The following LAMA2 variants were observed in gnomAD, a reference collection of about 807,000 sequenced individuals.
LAMA2 encodes the protein laminin subunit alpha-2.
Under a neutral mutation model 364.8 loss-of-function variants are expected in LAMA2, and 269 were observed. The ratio of observed to expected loss-of-function variants is 0.74; its 90% CI spans 0.67 to 0.82. The LOEUF (loss-of-function observed/expected upper bound fraction) is 0.82. Ranked by LOEUF, LAMA2 falls within the 40% of genes least tolerant of loss-of-function variation. LAMA2 has a pLI of 0.00. For missense variants in LAMA2, 3,807 were observed against 3,873.2 expected (o/e 0.98, Z 0.45); for synonymous variants, 1,379 against 1,370.6 (o/e 1.01, Z -0.14).
At chr6:129,426,938 C>G (rs1035708418) in intron 40 of LAMA2, among the ~76,000 whole-genome samples, 29 of 152,170 alleles carry the variant, frequency 1.9e-4, no homozygotes, top group African/African-American at 6.0e-4. Context: ...ACCCTTCTTG[C>G]ACTTGCAATA....
At chr6:129,048,994 G>A (rs574618905) in intron 1 of LAMA2, among the ~76,000 whole-genome samples, 1 of 151,990 alleles carries the variant, frequency 6.6e-6, no homozygotes, top group Non-Finnish European at 1.5e-5. Flanking sequence ...CTAGATGGTC[G>A]GCATATTTTC....
chr6:129,311,009 C>T (rs891082496), intron 22 of LAMA2, among the ~76,000 whole-genome samples: 12 of 152,058 alleles, frequency 7.9e-5, no homozygotes, highest in Non-Finnish European at 1.8e-4. Context: ...CAGACCAAAG[C>T]TAGTCAGAAG....
At chr6:129,255,593 A>G (rs1786605804) in intron 14 of LAMA2, among the ~76,000 whole-genome samples, 1 of 152,012 alleles carries the variant, frequency 6.6e-6, no homozygotes, top group African/African-American at 2.4e-5. Flanking sequence ...CTTCATCACG[A>G]TATAACTCAT....
intron 1 of LAMA2, among the ~76,000 whole-genome samples, chr6:129,046,471 T>C (rs1165561185): frequency 6.6e-6 from 1 of 152,176 alleles, no homozygotes; most frequent in African/African-American, 2.4e-5. Flanking sequence ...TCGCCAGATA[T>C]TATGAGACTT....
At chr6:129,150,766 T>TA (rs1404005449) in intron 7 of LAMA2, among the ~76,000 whole-genome samples, 1 of 152,150 alleles carries the variant, frequency 6.6e-6, no homozygotes, top group African/African-American at 2.4e-5. Flanking sequence ...AAGCCATACA[T>TA]AAAAATCACA....
chr6:128,982,265 C>A (rs551285200), intron 1 of LAMA2, among the ~76,000 whole-genome samples: 1 of 152,296 alleles, frequency 6.6e-6, no homozygotes, highest in South Asian at 2.1e-4. Context: ...TAGAGGCAAA[C>A]ACCAACACAG....
intron 56 of LAMA2, 38 bp downstream of exon 56, chr6:129,486,660 G>A: frequency 6.3e-7 from 1 of 1,590,574 alleles, no homozygotes; most frequent in Non-Finnish European, 8.6e-7. Flanking sequence ...TTGTAACTCA[G>A]GTGAACTTCC....
At chr6:129,167,609 C>A (rs1205354761) in intron 9 of LAMA2, among the ~76,000 whole-genome samples, 12 of 152,038 alleles carry the variant, frequency 7.9e-5, no homozygotes, top group Non-Finnish European at 2.9e-5. Flanking sequence ...GTGGATAATG[C>A]CGCAATAAAC....
chr6:129,074,991 C>T (rs1276944546), intron 3 of LAMA2, among the ~76,000 whole-genome samples: 3 of 151,916 alleles, frequency 2.0e-5, no homozygotes, highest in African/African-American at 7.3e-5. Flanking sequence ...GTGTTCTAAG[C>T]CTGTAGGTCT....
chr6:129,349,434 G>A (rs1182579029), intron 31 of LAMA2, 50 bp downstream of exon 31: 2 of 1,342,078 alleles, frequency 1.5e-6, no homozygotes, highest in Non-Finnish European at 2.1e-6. Context: ...GGGACTATAT[G>A]GTAAAGGGTC....
At chr6:129,463,973 G>C (rs534673210) in intron 49 of LAMA2, among the ~76,000 whole-genome samples, 1 of 151,706 alleles carries the variant, frequency 6.6e-6, no homozygotes, top group Non-Finnish European at 1.5e-5. Context: ...CAGAAACCCC[G>C]CCCCTTTGCC....
At chr6:129,008,736 C>T (rs192559205) in intron 1 of LAMA2, among the ~76,000 whole-genome samples, 1 of 152,090 alleles carries the variant, frequency 6.6e-6, no homozygotes, top group East Asian at 1.9e-4. Flanking sequence ...TTAAATATTC[C>T]AGAAATGGTG....
intron 1 of LAMA2, among the ~76,000 whole-genome samples, chr6:128,971,793 C>A (rs1048410355): frequency 2.0e-5 from 3 of 152,150 alleles, no homozygotes; most frequent in Non-Finnish European, 4.4e-5. Flanking sequence ...CCTTAAGGAA[C>A]AGGATGCCAG....
chr6:128,931,050 A>G (rs1347926165), intron 1 of LAMA2, among the ~76,000 whole-genome samples: 1 of 152,202 alleles, frequency 6.6e-6, no homozygotes, highest in African/African-American at 2.4e-5. Flanking sequence ...AAAAGGGACA[A>G]GAAACACCTT....
At chr6:129,229,247 TG>T (rs1784520630) in intron 12 of LAMA2, among the ~76,000 whole-genome samples, 1 of 152,074 alleles carries the variant, frequency 6.6e-6, no homozygotes, top group Non-Finnish European at 1.5e-5. Flanking sequence ...AGGATGATAG[TG>T]GTTGAATAGA....
chr6:129,102,230 G>A (rs1053996740), intron 4 of LAMA2, among the ~76,000 whole-genome samples: 3 of 150,834 alleles, frequency 2.0e-5, no homozygotes, highest in Non-Finnish European at 4.4e-5. Context: ...CCGGGTTCCC[G>A]GGTTCAAGTG....
chr6:128,900,585 A>G (rs1160378129), intron 1 of LAMA2, among the ~76,000 whole-genome samples: 1 of 152,240 alleles, frequency 6.6e-6, no homozygotes, highest in East Asian at 1.9e-4. Flanking sequence ...AAAAAGAACT[A>G]AAGAGAATTT....
intron 1 of LAMA2, among the ~76,000 whole-genome samples, chr6:128,945,614 A>G (rs1240130021): frequency 2.0e-5 from 3 of 152,238 alleles, no homozygotes; most frequent in African/African-American, 7.2e-5. Context: ...TAGATGAAAT[A>G]TTTGGACTTG....
chr6:129,235,420 G>A (rs1231355634), intron 12 of LAMA2, among the ~76,000 whole-genome samples: 1 of 152,116 alleles, frequency 6.6e-6, no homozygotes, highest in Non-Finnish European at 1.5e-5. Context: ...TCCCCTACAA[G>A]AAGTATACAA....
Sources: allele counts gnomAD v4.1 joint callset (sites outside exome capture counted in the v4.1 genomes callset), GRCh38; gene constraint gnomAD v4.1.1; transcripts MANE v1.5; gene names NCBI Gene and HGNC (gene_info 2026-07-23, HGNC 2026-07-21).